Variants in PCDH15 observed in about 807,000 individuals in gnomAD.
The protein encoded by PCDH15 is protocadherin-15.
Under a neutral mutation model 178.5 loss-of-function variants are expected in PCDH15, and 129 were observed. The ratio of observed to expected loss-of-function variants is 0.72; its 90% CI spans 0.63 to 0.84. The LOEUF (loss-of-function observed/expected upper bound fraction) is 0.84, where lower values mean the gene tolerates loss of function less well. Ranked by LOEUF, PCDH15 falls within the 40% of genes least tolerant of loss-of-function variation. The pLI is 0.00. For missense variants in PCDH15, 2,230 were observed against 2,099.9 expected, an observed-to-expected ratio of 1.06 and a Z score of -1.21; for synonymous variants, 800 against 732.0, an observed-to-expected ratio of 1.09 and a Z score of -1.50.
At chr10:53,914,349 G>A (rs2083374776) in intron 25 of PCDH15, among the ~76,000 whole-genome samples, 1 of 152,100 alleles carries the variant, frequency 6.6e-6, no homozygotes, top group African/African-American at 2.4e-5. Context: ...CAATAGCAAA[G>A]ACTTCAAACC....
chr10:54,462,493 T>C (rs2077231450), intron 3 of PCDH15, among the ~76,000 whole-genome samples: 1 of 131,942 alleles, frequency 7.6e-6, no homozygotes, highest in South Asian at 2.2e-4. Flanking sequence ...TTCTTTTCTT[T>C]TCTTTTTCTT....
intron 8 of PCDH15, among the ~76,000 whole-genome samples, chr10:54,305,338 T>G (rs1016387949): frequency 2.0e-5 from 3 of 151,998 alleles, no homozygotes; most frequent in Admixed American, 6.6e-5. Flanking sequence ...GTATTTTTTT[T>G]GAACAGTGAA....
chr10:54,981,257 C>T lies in PCDH15; in HGVS notation c.-79-83757G>A, dbSNP rs118168275. 2.9e-3 allele frequency among the ~76,000 whole-genome samples: 438 copies of T among 152,206 alleles called. 4 individuals are homozygous for T. The highest frequency in any genetic ancestry group is 0.011 in the South Asian group (55 of 4,822). ...CCTCCCCTTCTCTCGTCAATGTAAA[C>T]CCCATGGATGTGTTGTTCACCAATT... On this transcript the variant is annotated intron_variant, in intron 2 of 5. Coordinates refer to the PCDH15 transcript ENST00000458638.
intron 24 of PCDH15, 35 bp from the exon 25 acceptor site, chr10:53,938,990 T>C (rs1564816267): frequency 1.2e-6 from 2 of 1,600,686 alleles, no homozygotes; most frequent in Non-Finnish European, 1.7e-6. Flanking sequence ...GGTCATTGTC[T>C]TTACGCTATA....
At chr10:55,055,396 G>A (rs1275144180) in intron 2 of PCDH15, among the ~76,000 whole-genome samples, 1 of 152,174 alleles carries the variant, frequency 6.6e-6, no homozygotes, top group Non-Finnish European at 1.5e-5. Context: ...AACTGAGCAA[G>A]CTTACATGAG....
chr10:54,518,859 C>G (rs950730525), intron 3 of PCDH15, among the ~76,000 whole-genome samples: 1 of 152,150 alleles, frequency 6.6e-6, no homozygotes, highest in Non-Finnish European at 1.5e-5. Flanking sequence ...AAAGCTTATG[C>G]ACCATGATCA....
chr10:55,556,396 T>C (rs1842091759), intron 2 of PCDH15, among the ~76,000 whole-genome samples: 1 of 152,208 alleles, frequency 6.6e-6, no homozygotes, highest in Non-Finnish European at 1.5e-5. Flanking sequence ...ATTGTGAACC[T>C]GCTCTTCAAG....
chr10:54,421,534 A>C (rs1176330358), intron 3 of PCDH15, among the ~76,000 whole-genome samples: 8 of 115,762 alleles, frequency 6.9e-5, no homozygotes, highest in African/African-American at 2.0e-4. Context: ...TATAATAAAA[A>C]TAAAAGAAGT....
At chr10:54,888,160 CCTCGGGCTCTGTTAAACCTTTTCCTT>C (rs1954393581) in intron 3 of PCDH15, among the ~76,000 whole-genome samples, 1 of 152,106 alleles carries the variant, frequency 6.6e-6, no homozygotes, top group Non-Finnish European at 1.5e-5. Context: ...CCAGAAGTTT[CCTCGGGCTCTGTTAAACCTTTTCCTT>C]CTCCTGCTCT....
chr10:55,038,874 C>G (rs889276082), intron 2 of PCDH15, among the ~76,000 whole-genome samples: 1 of 152,140 alleles, frequency 6.6e-6, no homozygotes. Flanking sequence ...TGTAAAAATT[C>G]TCTGACCTTA....
Position 55,405,300 on chromosome 10 carries a change from AT to A in PCDH15, c.-156+222324del, listed in dbSNP as rs1392532244. Among the ~76,000 whole-genome samples the A allele has an allele frequency of 2.8e-5, 4 of 144,036 alleles. 1 individual carries two copies. The highest frequency in any genetic ancestry group is 1.0e-4 in the African/African-American group (4 of 39,546). 94.5% of individuals were successfully genotyped at this position (144,036 alleles called of 152,430 possible). ...AGGTAACAGATATATATATATATAT[AT>A]ATACAATTTAATGTCATGTAATTAA... is the stretch of plus-strand genomic sequence containing the variant. On this transcript the variant is annotated intron_variant, in intron 2 of 5. Transcript: ENST00000613346.
chr10:54,999,863 G>A (rs973894258), intron 2 of PCDH15, among the ~76,000 whole-genome samples: 1 of 152,202 alleles, frequency 6.6e-6, no homozygotes, highest in Non-Finnish European at 1.5e-5. Context: ...ATCACATGTT[G>A]GCAGGTTCCG....
intron 2 of PCDH15, among the ~76,000 whole-genome samples, chr10:55,588,452 A>T (rs1459054857): frequency 6.6e-6 from 1 of 152,186 alleles, no homozygotes; most frequent in Non-Finnish European, 1.5e-5. Context: ...TGAAACAATT[A>T]AAAGAAACCC....
intron 2 of PCDH15, among the ~76,000 whole-genome samples, chr10:54,983,175 A>G (rs1839283657): frequency 6.6e-6 from 1 of 152,150 alleles, no homozygotes; most frequent in African/African-American, 2.4e-5. Flanking sequence ...TTAATACTTG[A>G]TTTATCCATC....
At chr10:54,319,511 G>C (rs1281048747) in intron 7 of PCDH15, among the ~76,000 whole-genome samples, 1 of 152,088 alleles carries the variant, frequency 6.6e-6, no homozygotes. Flanking sequence ...CAAGGAGCTG[G>C]GGAGGGGATA....
chr10:53,825,927 T>TGTCA (rs1359656521), intron 32 of PCDH15, among the ~76,000 whole-genome samples: 10 of 151,632 alleles, frequency 6.6e-5, no homozygotes, highest in Middle Eastern at 5.3e-3. Context: ...TGAAAATTAC[T>TGTCA]GTCATCAAAC....
rs186288836 is a variant in PCDH15 at position 53,997,397 on chromosome 10, T to C, written c.2752-1632A>G. 7.2e-5 allele frequency among the ~76,000 whole-genome samples: 11 copies of C among 152,232 alleles called. No individual in the cohort carries two copies. In the East Asian group the frequency reaches 1.5e-3, roughly 21 times the overall value. On this transcript the variant is annotated intron_variant, in intron 20 of 37. Transcript: ENST00000644397. ...AGTGCCAATTAACTTAATAAGTGGA[T>C]GTGGTAACTAAGGGTGTGGAAATCC...
chr10:55,310,916 C>G (rs908042560), intron 1 of PCDH15, among the ~76,000 whole-genome samples: 7 of 152,066 alleles, frequency 4.6e-5, no homozygotes, highest in African/African-American at 1.7e-4. Context: ...GGAGAAATAC[C>G]TAATGTAGAT....
intron 3 of PCDH15, among the ~76,000 whole-genome samples, chr10:54,871,735 T>A (rs1245945369): frequency 6.6e-6 from 1 of 152,080 alleles, no homozygotes; most frequent in Non-Finnish European, 1.5e-5. Flanking sequence ...ATTATTTTTG[T>A]TCATAATTTT....
Sources: gnomAD v4.1 joint callset for allele counts (sites outside exome capture counted in the v4.1 genomes callset) on GRCh38, gnomAD v4.1.1 for gene constraint, MANE v1.5 for transcripts, NCBI Gene and HGNC (gene_info 2026-07-23, HGNC 2026-07-21) for gene names.